RTTN: variants seen among roughly 807,000 people sequenced by gnomAD.
RTTN encodes the protein rotatin.
In RTTN, 182 loss-of-function variants were observed where a neutral mutation model predicts 269.2. The observed-to-expected ratio is 0.68, with a 90% CI of 0.60 to 0.76. RTTN has a LOEUF of 0.76. Ranked by LOEUF, RTTN falls within the 30% of genes least tolerant of loss-of-function variation. The pLI is 0.00. For synonymous variants in RTTN, 1,006 were observed against 963.5 expected, an observed-to-expected ratio of 1.04 and a Z score of -0.82; for missense variants, 2,545 against 2,608.6, an observed-to-expected ratio of 0.98 and a Z score of 0.53.
At chr18:70,080,927 A>AACACACAC in intron 32 of RTTN, among the ~76,000 whole-genome samples, 1 of 89,948 alleles carries the variant, frequency 1.1e-5, no homozygotes, top group Non-Finnish European at 2.3e-5. Flanking sequence ...TGTGTGTGGT[A>AACACACAC]TCACACACAC....
At chr18:70,177,457 AATC>A (rs1450835939) in intron 10 of RTTN, among the ~76,000 whole-genome samples, 2 of 152,208 alleles carry the variant, frequency 1.3e-5, no homozygotes, top group Admixed American at 1.3e-4. Flanking sequence ...CTTCAAGAGA[AATC>A]ATATCTTTTA....
chr18:70,199,686 TTC>T (rs2061901596), intron 4 of RTTN, among the ~76,000 whole-genome samples, 182 bp from the exon 5 acceptor site: 1 of 151,902 alleles, frequency 6.6e-6, no homozygotes, highest in Admixed American at 6.5e-5. Flanking sequence ...AATAAGAGAG[TTC>T]TCTTTTCATA....
intron 32 of RTTN, among the ~76,000 whole-genome samples, chr18:70,086,368 A>T (rs2058697620): frequency 6.6e-6 from 1 of 152,162 alleles, no homozygotes; most frequent in Non-Finnish European, 1.5e-5. Context: ...ACATTTCTAG[A>T]AGGGTGCCTA....
At chr18:70,109,217 G>T (rs1407575974) in intron 28 of RTTN, among the ~76,000 whole-genome samples, 1 of 152,122 alleles carries the variant, frequency 6.6e-6, no homozygotes, top group Non-Finnish European at 1.5e-5. Context: ...TACTGGTTGA[G>T]CATTCCTAAT....
chr18:70,049,681 G>A (rs905460070), intron 39 of RTTN, among the ~76,000 whole-genome samples: 11 of 152,190 alleles, frequency 7.2e-5, no homozygotes, highest in Admixed American at 4.6e-4. Flanking sequence ...GTTTAAAAAG[G>A]TTACATAAAT....
chr18:70,201,607 CAA>C (rs34966295), intron 4 of RTTN, among the ~76,000 whole-genome samples: 1,154 of 40,656 alleles, frequency 0.028, 1 homozygote, highest in African/African-American at 0.079. Context: ...GACTCCATCT[CAA>C]AAAAAAAAAA....
At chr18:70,157,518 G>GA (rs969036623) in intron 14 of RTTN, among the ~76,000 whole-genome samples, 19 of 152,134 alleles carry the variant, frequency 1.2e-4, no homozygotes, top group African/African-American at 4.1e-4. Flanking sequence ...ACACAGGTAA[G>GA]AAAAAAACAG....
At chr18:70,152,797 T>A (rs775338007) in intron 14 of RTTN, among the ~76,000 whole-genome samples, 1 of 152,178 alleles carries the variant, frequency 6.6e-6, no homozygotes, top group Non-Finnish European at 1.5e-5. Context: ...GCTACTACAA[T>A]GAAACTGGTC....
At chr18:70,087,709 A>G (rs1033046706) in intron 31 of RTTN, among the ~76,000 whole-genome samples, 3 of 152,352 alleles carry the variant, frequency 2.0e-5, no homozygotes, top group Middle Eastern at 3.4e-3. Context: ...GAGATAATAT[A>G]AAAGTAATTT....
intron 46 of RTTN, among the ~76,000 whole-genome samples, chr18:70,012,879 T>G (rs2056431121): frequency 6.6e-6 from 1 of 152,186 alleles, no homozygotes; most frequent in Non-Finnish European, 1.5e-5. Flanking sequence ...TGTGAAAGAT[T>G]CCAGAATAGA....
rs1168048904 is a variant in RTTN at position 70,197,765 on chromosome 18, TAAG to T, written c.579-30_579-28del. 2.2e-6 allele frequency: 3 copies of T among 1,385,100 alleles called. No individual in the cohort carries two copies. The Admixed American group carries it at 5.1e-5, about 23-fold the overall frequency. The allele number at this position is 1,385,100 out of a possible 1,614,324, so 85.8% of individuals were successfully genotyped here. A position where few individuals can be genotyped will look rare whatever the true frequency, so the allele number is the denominator to read the frequency against. On this transcript the variant is annotated intron_variant, in intron 5 of 48. Coordinates refer to ENST00000640769, the MANE Select transcript of RTTN (RefSeq NM_173630.4). ...TACAAAACATAGCGTTAATCATTTTTAAGAAGAGTTCATCTATTCCAGATTCTA... is the reference window on the plus strand; with the variant it reads ...TACAAAACATAGCGTTAATCATTTTTAAGAGTTCATCTATTCCAGATTCTA...
At chr18:70,170,956 A>G (rs1599888242) in intron 11 of RTTN, among the ~76,000 whole-genome samples, 1 of 152,354 alleles carries the variant, frequency 6.6e-6, no homozygotes, top group East Asian at 1.9e-4. Context: ...AACTTGAACA[A>G]CAAAGTTGAC....
intron 46 of RTTN, among the ~76,000 whole-genome samples, chr18:70,014,547 G>T (rs1409271996): frequency 6.6e-6 from 1 of 152,152 alleles, no homozygotes; most frequent in Non-Finnish European, 1.5e-5. Context: ...CATCACCAAG[G>T]CAGTTTGCTT....
At chr18:70,069,999 A>G (rs916890442) in intron 34 of RTTN, among the ~76,000 whole-genome samples, 1 of 152,234 alleles carries the variant, frequency 6.6e-6, no homozygotes, top group African/African-American at 2.4e-5. Flanking sequence ...ATTAATTCTA[A>G]CCAAATTATA....
chr18:70,203,141 T>C (rs1307779021), intron 3 of RTTN, among the ~76,000 whole-genome samples: 1 of 152,150 alleles, frequency 6.6e-6, no homozygotes, highest in African/African-American at 2.4e-5. Flanking sequence ...TGCTGGGCCC[T>C]GTGCTAAGCA....
rs556866511 is a variant in RTTN at position 70,188,302 on chromosome 18, A to C, written c.1190-79T>G. The C allele has an allele frequency of 2.3e-4, 177 of 757,940 alleles. 1 individual carries two copies. Among genetic ancestry groups the C allele is most frequent in the African/African-American group, 1.7e-3 (99 of 57,398 alleles). 47.0% of individuals were successfully genotyped at this position (757,940 alleles called of 1,614,324 possible). On this transcript the variant is annotated intron_variant, in intron 9 of 48. Coordinates refer to ENST00000640769, the MANE Select transcript of RTTN (RefSeq NM_173630.4). ...TAATCAGCTGAATATCATATTGCTC[A>C]ATTTTCTAGTTAGTCATGCTCCAAC...
intron 33 of RTTN, chr18:70,074,958 C>T (rs1001580344): frequency 6.6e-6 from 1 of 152,276 alleles, no homozygotes; most frequent in Non-Finnish European, 1.5e-5. Context: ...CTGTACATTG[C>T]CTAGAAGTGA....
At chr18:70,197,315 T>C (rs1378070480) in intron 6 of RTTN, among the ~76,000 whole-genome samples, 1 of 152,222 alleles carries the variant, frequency 6.6e-6, no homozygotes, top group Non-Finnish European at 1.5e-5. Context: ...GAAGCAATGC[T>C]ATTCTTACTT....
chr18:70,076,611 G>C (rs1342467805), intron 32 of RTTN, among the ~76,000 whole-genome samples: 1 of 151,926 alleles, frequency 6.6e-6, no homozygotes, highest in Non-Finnish European at 1.5e-5. Context: ...TGTCTTTTAT[G>C]ACTATGAAGT....
Sources: allele counts gnomAD v4.1 joint callset (sites outside exome capture counted in the v4.1 genomes callset), GRCh38; gene constraint gnomAD v4.1.1; transcripts MANE v1.5; gene names NCBI Gene and HGNC (gene_info 2026-07-23, HGNC 2026-07-21).